TAB2: variants seen among roughly 807,000 people sequenced by gnomAD.
TAB2 encodes TGF-beta activated kinase 1 (MAP3K7) binding protein 2.
In TAB2, 3 loss-of-function variants were observed where a neutral mutation model predicts 65.0. That is an observed-to-expected ratio of 0.05 (90% CI 0.02 to 0.12). The LOEUF is 0.12. Among genes scored for constraint, TAB2 ranks in the 10% least tolerant of loss-of-function variants. The pLI, the probability that TAB2 is intolerant of heterozygous loss-of-function variation, is 1.00. For missense variants in TAB2, 623 were observed against 840.3 expected (o/e 0.74, Z 3.20); for synonymous variants, 298 against 285.1 (o/e 1.05, Z -0.46).
At chr6:149,396,323 A>C (rs1782169095) in intron 3 of TAB2, among the ~76,000 whole-genome samples, 2 of 151,860 alleles carry the variant, frequency 1.3e-5, no homozygotes, top group Non-Finnish European at 2.9e-5. Context: ...CCAGCCTGGA[A>C]TTTTTTTCTT....
At chr6:149,282,758 C>T (rs893601966) in intron 1 of TAB2, among the ~76,000 whole-genome samples, 4 of 152,140 alleles carry the variant, frequency 2.6e-5, no homozygotes, top group East Asian at 3.8e-4. Context: ...ACTGTCTTTC[C>T]GCAACAAATC....
intron 1 of TAB2, among the ~76,000 whole-genome samples, chr6:149,324,526 A>T (rs1779542484): frequency 6.6e-6 from 1 of 152,184 alleles, no homozygotes; most frequent in Non-Finnish European, 1.5e-5. Context: ...AGCACATCAC[A>T]AGTTTGCTTC....
intron 1 of TAB2, among the ~76,000 whole-genome samples, chr6:149,225,864 G>A (rs547206733): frequency 6.6e-6 from 1 of 152,014 alleles, no homozygotes; most frequent in East Asian, 1.9e-4. Context: ...AAAACAAGCA[G>A]AATTTGAGAA....
At chr6:149,349,710 A>G (rs889700450) in intron 1 of TAB2, among the ~76,000 whole-genome samples, 1 of 152,218 alleles carries the variant, frequency 6.6e-6, no homozygotes, top group Non-Finnish European at 1.5e-5. Context: ...AAACAGATAT[A>G]GCAGCACTGA....
chr6:149,401,728 G>A (rs1028850442), intron 6 of TAB2, among the ~76,000 whole-genome samples: 3 of 151,914 alleles, frequency 2.0e-5, no homozygotes, highest in Non-Finnish European at 2.9e-5. Context: ...TTCACAAAAC[G>A]AGTTTAAACA....
chr6:149,229,162 G>A (rs1001987662), intron 1 of TAB2, among the ~76,000 whole-genome samples: 22 of 152,118 alleles, frequency 1.4e-4, no homozygotes, highest in African/African-American at 4.3e-4. Flanking sequence ...CAAGCCAGCC[G>A]TCTAAAACCT....
chr6:149,302,825 C>T lies in TAB2; in HGVS notation c.-120-75193C>T, dbSNP rs543883488. On this transcript the variant is annotated intron_variant, in intron 1 of 1. Transcript: ENST00000606202. ...AGCAGGGTCCCCAACTCCCAGGCCACGGGCCAGTACTGGTCTGGAGGCTGT... is the reference window on the plus strand; with the variant it reads ...AGCAGGGTCCCCAACTCCCAGGCCATGGGCCAGTACTGGTCTGGAGGCTGT... 7.2e-5 allele frequency among the ~76,000 whole-genome samples: 11 copies of T among 152,332 alleles called. 1 individual carries two copies. The highest frequency in any genetic ancestry group is 2.6e-4 in the African/African-American group (11 of 41,576).
chr6:149,380,344 G>C (rs1215200313), intron 3 of TAB2, among the ~76,000 whole-genome samples: 1 of 152,172 alleles, frequency 6.6e-6, no homozygotes, highest in Non-Finnish European at 1.5e-5. Context: ...TCAAAGAGAA[G>C]TTTGAATCTT....
intron 1 of TAB2, among the ~76,000 whole-genome samples, chr6:149,281,540 A>G (rs1267028867): frequency 7.1e-6 from 1 of 141,680 alleles, no homozygotes; most frequent in Non-Finnish European, 1.5e-5. Context: ...TGAACAACAC[A>G]GCAAGATGCC....
chr6:149,232,694 G>A (rs1003033889), intron 1 of TAB2, among the ~76,000 whole-genome samples: 6 of 152,318 alleles, frequency 3.9e-5, no homozygotes, highest in African/African-American at 1.4e-4. Flanking sequence ...GGTGTAGTTA[G>A]CTGTCCCTAT....
chr6:149,343,552 T>G (rs1780198728), intron 1 of TAB2, among the ~76,000 whole-genome samples: 1 of 152,164 alleles, frequency 6.6e-6, no homozygotes, highest in Non-Finnish European at 1.5e-5. Flanking sequence ...GAGCAATGTA[T>G]TATATAGTAC....
intron 6 of TAB2, among the ~76,000 whole-genome samples, chr6:149,401,801 A>G (rs115103962): frequency 0.016 from 2,389 of 152,260 alleles, 51 homozygotes; most frequent in South Asian, 0.096. Flanking sequence ...AAAACTAGAA[A>G]TCAGTAACAG....
At chr6:149,307,004 T>C (rs1448394538) in intron 1 of TAB2, among the ~76,000 whole-genome samples, 1 of 152,208 alleles carries the variant, frequency 6.6e-6, no homozygotes, top group Non-Finnish European at 1.5e-5. Context: ...TTTTCTAAAC[T>C]TGGGACCTAT....
At chr6:149,274,018 A>G (rs1333361072) in intron 1 of TAB2, among the ~76,000 whole-genome samples, 2 of 152,246 alleles carry the variant, frequency 1.3e-5, no homozygotes, top group Admixed American at 1.3e-4. Context: ...GCGAAAAAAT[A>G]ATTTTATTCT....
chr6:149,405,337 A>G (rs867016335), intron 6 of TAB2, among the ~76,000 whole-genome samples: 2 of 152,244 alleles, frequency 1.3e-5, no homozygotes, highest in East Asian at 1.9e-4. Context: ...TGGTGCAGCT[A>G]TTATGAAAAA....
chr6:149,271,715 G>T (rs543080977), intron 1 of TAB2, among the ~76,000 whole-genome samples: 1 of 152,124 alleles, frequency 6.6e-6, no homozygotes, highest in Non-Finnish European at 1.5e-5. Context: ...AAGAGTCTAC[G>T]TAGGGGATCA....
At chr6:149,409,396 G>A (rs1280641161) in intron 6 of TAB2, among the ~76,000 whole-genome samples, 181 bp from the exon 7 acceptor site, 1 of 152,060 alleles carries the variant, frequency 6.6e-6, no homozygotes, top group Non-Finnish European at 1.5e-5. Context: ...TTCCCAGAGG[G>A]AGAAGTGCCA....
intron 1 of TAB2, among the ~76,000 whole-genome samples, chr6:149,272,592 C>G (rs1778383411): frequency 6.6e-6 from 1 of 152,190 alleles, no homozygotes; most frequent in Non-Finnish European, 1.5e-5. Context: ...TTACAAGGAT[C>G]CTTGTGATTA....
intron 3 of TAB2, among the ~76,000 whole-genome samples, chr6:149,386,590 TC>T (rs1781817323): frequency 6.6e-6 from 1 of 152,386 alleles, no homozygotes; most frequent in African/African-American, 2.4e-5. Context: ...ACATGTTCTT[TC>T]CTTTTTATGG....
Sources: gnomAD v4.1 joint callset for allele counts (sites outside exome capture counted in the v4.1 genomes callset) on GRCh38, gnomAD v4.1.1 for gene constraint, MANE v1.5 for transcripts, NCBI Gene and HGNC (gene_info 2026-07-23, HGNC 2026-07-21) for gene names.